Variants in PPM1L observed in about 807,000 individuals in gnomAD.
The protein encoded by PPM1L is protein phosphatase, Mg2+/Mn2+ dependent 1L.
In PPM1L, 13 loss-of-function variants were observed where a neutral mutation model predicts 31.4. That is an observed-to-expected ratio of 0.41 (90% CI 0.27 to 0.66). The LOEUF is 0.66. Among genes scored for constraint, PPM1L ranks in the 30% least tolerant of loss-of-function variants. The pLI is 0.29. For synonymous variants in PPM1L, 184 were observed against 175.4 expected (o/e 1.05, Z -0.39); for missense variants, 326 against 453.7 (o/e 0.72, Z 2.56).
chr3:161,063,377 A>G (rs1337845363), intron 2 of PPM1L, among the ~76,000 whole-genome samples: 2 of 152,174 alleles, frequency 1.3e-5, no homozygotes, highest in Non-Finnish European at 2.9e-5. Context: ...GTGTTAACCA[A>G]CATTTCATGT....
At chr3:160,974,736 A>C (rs1472173802) in intron 2 of PPM1L, among the ~76,000 whole-genome samples, 1 of 145,578 alleles carries the variant, frequency 6.9e-6, no homozygotes, top group Non-Finnish European at 1.5e-5. Context: ...TTTTTCTTGT[A>C]AATTTGTTGG....
intron 2 of PPM1L, among the ~76,000 whole-genome samples, chr3:161,049,285 A>G (rs1719191118): frequency 2.0e-5 from 3 of 152,024 alleles, no homozygotes; most frequent in Middle Eastern, 3.4e-3. Context: ...CTCAAAAAAA[A>G]AACCAAACCA....
intron 1 of PPM1L, among the ~76,000 whole-genome samples, chr3:160,933,275 T>C (rs1254031885): frequency 2.6e-5 from 4 of 151,018 alleles, no homozygotes; most frequent in African/African-American, 9.9e-5. Context: ...AATGCTATAT[T>C]TTGAGTGAAT....
chr3:160,801,415 G>A (rs1341715296), intron 1 of PPM1L, among the ~76,000 whole-genome samples: 1 of 152,204 alleles, frequency 6.6e-6, no homozygotes, highest in Non-Finnish European at 1.5e-5. Context: ...TAGAGAAGTA[G>A]TAACCTGGGA....
rs1576755275 is a variant in PPM1L at position 160,975,053 on chromosome 3, G to A, written c.574+13143G>A. 7.9e-5 allele frequency among the ~76,000 whole-genome samples: 12 copies of A among 151,522 alleles called. 1 individual carries two copies. The South Asian group carries it at 2.5e-3, about 32-fold the overall frequency. ...CCATCTTGAATTGATTTTTGTATAA[G>A]GTGTAAGGAAGGGATCCAGTTTCAG... is the stretch of plus-strand genomic sequence containing the variant. On this transcript the variant is annotated intron_variant, in intron 2 of 3. Coordinates refer to ENST00000498165, the MANE Select transcript of PPM1L (RefSeq NM_139245.4).
intron 1 of PPM1L, among the ~76,000 whole-genome samples, chr3:160,957,867 C>T (rs192548651): frequency 8.2e-4 from 125 of 152,202 alleles, no homozygotes; most frequent in Non-Finnish European, 1.6e-3. Flanking sequence ...TGAGCCACTG[C>T]GGCCGGCCTC....
At chr3:160,939,984 T>C (rs1020842586) in intron 1 of PPM1L, among the ~76,000 whole-genome samples, 5 of 152,204 alleles carry the variant, frequency 3.3e-5, no homozygotes, top group Non-Finnish European at 7.3e-5. Context: ...GACAATGATA[T>C]GAACAATAAG....
Position 160,930,184 on chromosome 3 carries a change from G to A in PPM1L, c.400-31552G>A, listed in dbSNP as rs1475941984. Among the ~76,000 whole-genome samples the A allele has an allele frequency of 2.0e-5, 3 of 152,046 alleles. 1 individual carries two copies. The highest frequency in any genetic ancestry group is 4.4e-5 in the Non-Finnish European group (3 of 68,036). ...AAGTGTTTCTTTTACAAATGTACAC[G>A]TGGGCCTGGAACTTCAGAGTGGAAT... On this transcript the variant is annotated intron_variant, in intron 1 of 3. Coordinates refer to ENST00000498165, the MANE Select transcript of PPM1L (RefSeq NM_139245.4).
At chr3:161,039,061 G>C (rs1227308142) in intron 2 of PPM1L, among the ~76,000 whole-genome samples, 3 of 152,184 alleles carry the variant, frequency 2.0e-5, no homozygotes, top group Non-Finnish European at 4.4e-5. Context: ...TATATGGTTA[G>C]AAAGGGGCAG....
chr3:160,994,142 T>C lies in PPM1L; in HGVS notation c.574+32232T>C, dbSNP rs538749529. Among the ~76,000 whole-genome samples the C allele has an allele frequency of 5.9e-5, 9 of 152,264 alleles. No homozygotes were observed. In the South Asian group the frequency reaches 1.9e-3, roughly 32 times the overall value. ...ATATACTTGATGAATTATTAATTCA[T>C]CCAGAAAATAGTAATTGGGCACCTA... On this transcript the variant is annotated intron_variant, in intron 2 of 3. Transcript: ENST00000498165.
chr3:160,943,770 C>T (rs1429175072), intron 1 of PPM1L, among the ~76,000 whole-genome samples: 1 of 152,052 alleles, frequency 6.6e-6, no homozygotes, highest in African/African-American at 2.4e-5. Flanking sequence ...ATTTAATTGC[C>T]TGAATGTGGA....
At chr3:160,819,635 A>T (rs1190206161) in intron 1 of PPM1L, among the ~76,000 whole-genome samples, 1 of 152,024 alleles carries the variant, frequency 6.6e-6, no homozygotes, top group Non-Finnish European at 1.5e-5. Flanking sequence ...GCCCTCATGG[A>T]ACTTACATTC....
intron 1 of PPM1L, among the ~76,000 whole-genome samples, chr3:160,766,600 A>G (rs1042414278): frequency 1.3e-5 from 2 of 152,122 alleles, no homozygotes. Flanking sequence ...TGGAACTGTG[A>G]GTCAATTAAG....
chr3:161,035,519 T>G (rs1336659520), intron 2 of PPM1L, among the ~76,000 whole-genome samples: 2 of 152,198 alleles, frequency 1.3e-5, no homozygotes, highest in East Asian at 3.8e-4. Context: ...AACTACTCCT[T>G]GTTGTTACTG....
At chr3:160,769,343 A>G (rs1303758681) in intron 1 of PPM1L, among the ~76,000 whole-genome samples, 1 of 152,216 alleles carries the variant, frequency 6.6e-6, no homozygotes, top group Non-Finnish European at 1.5e-5. Context: ...AAAGTGTATA[A>G]CACTGATATG....
chr3:160,793,584 A>G (rs1712160961), intron 1 of PPM1L, among the ~76,000 whole-genome samples: 1 of 152,212 alleles, frequency 6.6e-6, no homozygotes, highest in Non-Finnish European at 1.5e-5. Flanking sequence ...AGGATTTAAA[A>G]TAAGCTCAGT....
intron 1 of PPM1L, among the ~76,000 whole-genome samples, chr3:160,906,600 CATAAA>C (rs2108058682): frequency 9.7e-6 from 1 of 103,034 alleles, no homozygotes; most frequent in Non-Finnish European, 1.9e-5. Flanking sequence ...GACTCTGTCT[CATAAA>C]GAAAAGAAAA....
intron 1 of PPM1L, among the ~76,000 whole-genome samples, chr3:160,824,582 C>T (rs1481199952): frequency 1.3e-5 from 2 of 152,148 alleles, no homozygotes; most frequent in Admixed American, 6.5e-5. Flanking sequence ...CCTCACCTGA[C>T]AGTTGCAGGC....
chr3:160,842,275 A>G, intron 1 of PPM1L: 2 of 702,586 alleles, frequency 2.8e-6, no homozygotes, highest in Non-Finnish European at 5.2e-6. Context: ...AGACCAGAAC[A>G]TGCCTGCTTT....
Sources: gnomAD v4.1 joint callset for allele counts (sites outside exome capture counted in the v4.1 genomes callset) on GRCh38, gnomAD v4.1.1 for gene constraint, MANE v1.5 for transcripts, NCBI Gene and HGNC (gene_info 2026-07-23, HGNC 2026-07-21) for gene names.